Variants in SOX5 observed in about 807,000 individuals in gnomAD.
The protein encoded by SOX5 is transcription factor SOX-5.
A neutral mutation model predicts 92.0 loss-of-function variants in SOX5; 9 were observed. The observed-to-expected ratio is 0.10, with a 90% CI of 0.06 to 0.17. The LOEUF (loss-of-function observed/expected upper bound fraction) is 0.17, where lower values mean the gene tolerates loss of function less well. Among genes scored for constraint, SOX5 ranks in the 10% least tolerant of loss-of-function variants. The pLI, the probability that SOX5 is intolerant of heterozygous loss-of-function variation, is 1.00. For missense variants in SOX5, 642 were observed against 944.5 expected (o/e 0.68, Z 4.20); for synonymous variants, 344 against 336.3 (o/e 1.02, Z -0.25).
intron 4 of SOX5, among the ~76,000 whole-genome samples, chr12:24,180,003 G>A (rs1209202075): frequency 6.6e-6 from 1 of 151,660 alleles, no homozygotes; most frequent in African/African-American, 2.4e-5. Flanking sequence ...GTTATGCAGT[G>A]GTAGTATCAT....
intron 2 of SOX5, among the ~76,000 whole-genome samples, chr12:24,353,546 G>A (rs1346100892): frequency 1.3e-5 from 2 of 152,000 alleles, no homozygotes; most frequent in African/African-American, 4.8e-5. Context: ...CCTTGCTTTA[G>A]AAAAATGATA....
At chr12:24,274,672 G>GAA (rs11394481) in intron 3 of SOX5, among the ~76,000 whole-genome samples, 3,028 of 146,142 alleles carry the variant, frequency 0.021, 43 homozygotes, top group East Asian at 0.067. Context: ...GTTTTGAAAG[G>GAA]AAAAAAAAAA....
chr12:23,964,302 C>G (rs1189704055), intron 4 of SOX5, among the ~76,000 whole-genome samples: 3 of 152,170 alleles, frequency 2.0e-5, no homozygotes, highest in African/African-American at 7.2e-5. Flanking sequence ...TTTTCACTAT[C>G]CCTATATACT....
In SOX5 at chr12:23,658,883, A is replaced by C. The variant is rs1017010848; in HGVS notation, c.931+6561T>G. Among the ~76,000 whole-genome samples, 10 of 152,202 alleles carry C rather than the reference A, an allele frequency of 6.6e-5. No individual in the cohort carries two copies. In the East Asian group the frequency reaches 1.3e-3, roughly 20 times the overall value. On this transcript the variant is annotated intron_variant, in intron 7 of 14. Coordinates refer to ENST00000451604, the MANE Select transcript of SOX5 (RefSeq NM_006940.6). Reference sequence around the variant, plus strand: ...ACTCCAGCCTGGGCAACAGAGCGAGACTCCGTCTCAAAAAAATAAAAAATA... The same window carrying C: ...ACTCCAGCCTGGGCAACAGAGCGAGCCTCCGTCTCAAAAAAATAAAAAATA...
intron 7 of SOX5, among the ~76,000 whole-genome samples, chr12:23,661,865 C>A (rs2083094146): frequency 6.6e-6 from 1 of 152,020 alleles, no homozygotes; most frequent in African/African-American, 2.4e-5. Context: ...TAAAGGGCTG[C>A]AATAATTATT....
At chr12:23,852,741 C>T (rs1016653955) in intron 2 of SOX5, among the ~76,000 whole-genome samples, 15 of 152,108 alleles carry the variant, frequency 9.9e-5, no homozygotes, top group East Asian at 7.7e-4. Flanking sequence ...AAACATGATT[C>T]GCAAACGGTG....
At chr12:23,677,240 CA>C (rs1196275531) in intron 6 of SOX5, among the ~76,000 whole-genome samples, 1 of 152,082 alleles carries the variant, frequency 6.6e-6, no homozygotes, top group African/African-American at 2.4e-5. Flanking sequence ...ACGATGCCCA[CA>C]GTTAGGTTTT....
intron 3 of SOX5, among the ~76,000 whole-genome samples, chr12:23,829,785 TAAGAA>T (rs2096285985): frequency 6.6e-6 from 1 of 151,942 alleles, no homozygotes; most frequent in Admixed American, 6.6e-5. Context: ...AATAGCCAAA[TAAGAA>T]AAGAATGATG....
intron 3 of SOX5, among the ~76,000 whole-genome samples, chr12:24,256,573 T>C (rs2140208151): frequency 6.8e-6 from 1 of 146,870 alleles, no homozygotes; most frequent in Admixed American, 7.2e-5. Context: ...TATTAAGTTT[T>C]AAGTTACACT....
upstream of SOX5, among the ~76,000 whole-genome samples, chr12:23,951,994 A>G (rs185310482): frequency 1.7e-3 from 266 of 152,306 alleles, no homozygotes; most frequent in Non-Finnish European, 3.0e-3. Context: ...TCTAATGGAT[A>G]ATGTATACAA....
intron 4 of SOX5, among the ~76,000 whole-genome samples, chr12:24,119,626 C>A (rs1948417482): frequency 6.6e-6 from 1 of 151,928 alleles, no homozygotes; most frequent in South Asian, 2.1e-4. Context: ...AATAAATTTC[C>A]TTTAATTATG....
At chr12:24,287,635 T>G (rs1406721733) in intron 2 of SOX5, among the ~76,000 whole-genome samples, 1 of 148,312 alleles carries the variant, frequency 6.7e-6, no homozygotes, top group East Asian at 2.0e-4. Flanking sequence ...CCCAGGGTTC[T>G]TCTAGTTATT....
At chr12:24,366,729 G>A (rs1956214555) in intron 2 of SOX5, among the ~76,000 whole-genome samples, 1 of 151,774 alleles carries the variant, frequency 6.6e-6, no homozygotes, top group South Asian at 2.1e-4. Flanking sequence ...ATTCCCCCCT[G>A]TACTCTGTAC....
chr12:24,014,422 C>T (rs1305099357), intron 4 of SOX5, among the ~76,000 whole-genome samples: 1 of 152,202 alleles, frequency 6.6e-6, no homozygotes, highest in African/African-American at 2.4e-5. Context: ...CTTTTAGCCT[C>T]TTTCAGTTCC....
intron 6 of SOX5, among the ~76,000 whole-genome samples, chr12:23,707,632 G>A (rs936018576): frequency 1.3e-5 from 2 of 152,036 alleles, no homozygotes; most frequent in Non-Finnish European, 2.9e-5. Flanking sequence ...TCATGGTCTC[G>A]ATTTTAGTTT....
At chr12:24,228,317 G>A (rs969219201) in intron 3 of SOX5, among the ~76,000 whole-genome samples, 14 of 151,990 alleles carry the variant, frequency 9.2e-5, no homozygotes, top group Non-Finnish European at 1.6e-4. Context: ...AACAGAGCAG[G>A]TTAAAAAAAT....
intron 1 of SOX5, among the ~76,000 whole-genome samples, chr12:24,503,939 T>C (rs1261159168): frequency 6.6e-6 from 1 of 152,104 alleles, no homozygotes; most frequent in Non-Finnish European, 1.5e-5. Context: ...AACCTGCACG[T>C]TCTGCAAATG....
intron 1 of SOX5, among the ~76,000 whole-genome samples, chr12:24,508,329 G>T (rs1423875169): frequency 6.6e-6 from 1 of 151,988 alleles, no homozygotes; most frequent in Non-Finnish European, 1.5e-5. Flanking sequence ...AAGAGAACAG[G>T]AATAAGGTAG....
intron 3 of SOX5, among the ~76,000 whole-genome samples, chr12:24,237,485 G>A (rs1964733937): frequency 6.6e-6 from 1 of 152,038 alleles, no homozygotes; most frequent in Non-Finnish European, 1.5e-5. Flanking sequence ...CTAAAAACCA[G>A]AAGTTAAAGT....
Sources: allele counts gnomAD v4.1 joint callset (sites outside exome capture counted in the v4.1 genomes callset), GRCh38; gene constraint gnomAD v4.1.1; transcripts MANE v1.5; gene names NCBI Gene and HGNC (gene_info 2026-07-23, HGNC 2026-07-21).